REV1: variants seen among roughly 807,000 people sequenced by gnomAD.
The protein encoded by REV1 is translesion synthesis protein REV1.
A neutral mutation model predicts 137.4 loss-of-function variants in REV1; 42 were observed. The observed-to-expected ratio is 0.31, with a 90% CI of 0.24 to 0.40. The LOEUF is 0.40. Among genes scored for constraint, REV1 ranks in the 10% least tolerant of loss-of-function variants. The pLI is 1.00. For missense variants in REV1, 1,282 were observed against 1,490.1 expected, an observed-to-expected ratio of 0.86 and a Z score of 2.30; for synonymous variants, 524 against 519.2, an observed-to-expected ratio of 1.01 and a Z score of -0.12.
Position 99,412,727 on chromosome 2 carries a change from G to C in REV1, c.2172+4C>G. On this transcript the variant is annotated splice_donor_region_variant and intron_variant, in intron 13 of 22. Transcript: ENST00000258428. ...GATGGCAAAATCTGTTCAATGATCA[G>C]TACCTGAGTAAACCTTATTCCATAG... 6.2e-7 allele frequency: 1 copy of C among 1,608,472 alleles called. No homozygotes were observed. The highest frequency in any genetic ancestry group is 8.5e-7 in the Non-Finnish European group (1 of 1,174,878).
intron 18 of REV1, 119 bp from the exon 19 acceptor site, chr2:99,403,934 T>G: frequency 8.3e-7 from 1 of 1,209,114 alleles, no homozygotes. Context: ...GTACGAATTC[T>G]TAACAGTTCC....
chr2:99,453,312 T>C (rs973747708), intron 3 of REV1, among the ~76,000 whole-genome samples: 5 of 151,764 alleles, frequency 3.3e-5, no homozygotes, highest in Admixed American at 2.6e-4. Flanking sequence ...TGAGCTGAGA[T>C]TGTGCCACTG....
rs1301367825 is a variant in REV1, at chr2:99,489,996, C to T, written c.-190G>A. On this transcript the variant is annotated 5_prime_UTR_variant, in exon 1 of 23. Transcript: ENST00000258428. Reference sequence around the variant, plus strand: ...CCCCCACGCTCGCGGCAACCAACCCCGCGCGCGCTCCGCGGTGGCTCTCCG... The same window carrying T: ...CCCCCACGCTCGCGGCAACCAACCCTGCGCGCGCTCCGCGGTGGCTCTCCG... 1 of 150,020 alleles carries T rather than the reference C, an allele frequency of 6.7e-6. No individual in the cohort carries two copies. Among genetic ancestry groups the T allele is most frequent in the Admixed American group, 6.6e-5 (1 of 15,070 alleles). The allele number at this position is 150,020 out of a possible 1,614,324, so 9.3% of individuals were successfully genotyped here.
intron 4 of REV1, among the ~76,000 whole-genome samples, chr2:99,444,185 A>G (rs1240797401): frequency 1.3e-5 from 2 of 152,202 alleles, no homozygotes; most frequent in African/African-American, 4.8e-5. Flanking sequence ...GGTATTATGT[A>G]TATCAAACTC....
At chr2:99,460,473 T>C (rs776045281) in intron 3 of REV1, among the ~76,000 whole-genome samples, 17 of 152,186 alleles carry the variant, frequency 1.1e-4, no homozygotes, top group Non-Finnish European at 2.1e-4. Context: ...CCAAAATATA[T>C]ATATAGGCAT....
intron 3 of REV1, among the ~76,000 whole-genome samples, chr2:99,461,418 A>G (rs566539869): frequency 2.7e-4 from 41 of 152,332 alleles, no homozygotes; most frequent in African/African-American, 9.6e-4. Context: ...TCTAAGATGC[A>G]GATTCATTCA....
chr2:99,461,920 C>G (rs1176828315), intron 3 of REV1, among the ~76,000 whole-genome samples: 1 of 152,152 alleles, frequency 6.6e-6, no homozygotes, highest in Non-Finnish European at 1.5e-5. Context: ...CTACCCCTTC[C>G]AGATACCGGA....
intron 14 of REV1, among the ~76,000 whole-genome samples, chr2:99,409,700 T>C (rs1352304261): frequency 6.6e-6 from 1 of 151,844 alleles, no homozygotes; most frequent in African/African-American, 2.4e-5. Context: ...AAAAATTCGC[T>C]GGGCATGGTG....
chr2:99,489,165 T>TG (rs1687411653), intron 1 of REV1, among the ~76,000 whole-genome samples: 1 of 151,994 alleles, frequency 6.6e-6, no homozygotes, highest in Non-Finnish European at 1.5e-5. Context: ...GAAGGACAGT[T>TG]GGGGAACGGC....
chr2:99,420,257 TA>T (rs1423920701), intron 11 of REV1, among the ~76,000 whole-genome samples: 1 of 152,166 alleles, frequency 6.6e-6, no homozygotes, highest in Non-Finnish European at 1.5e-5. Flanking sequence ...TTTGAAATCT[TA>T]AAAATCCTGC....
intron 1 of REV1, among the ~76,000 whole-genome samples, chr2:99,483,789 GA>G (rs1163773447): frequency 2.0e-5 from 3 of 152,010 alleles, no homozygotes; most frequent in Admixed American, 1.3e-4. Context: ...GTAGCAGGGG[GA>G]AAAAATGGCC....
chr2:99,422,129 A>G (rs1050454522), intron 10 of REV1, among the ~76,000 whole-genome samples: 2 of 152,208 alleles, frequency 1.3e-5, no homozygotes, highest in Admixed American at 6.5e-5. Flanking sequence ...TCACAGTTAA[A>G]TTCCACTCAC....
chr2:99,405,624 A>G, intron 17 of REV1: 1 of 254,734 alleles, frequency 3.9e-6, no homozygotes. Context: ...GTAAGTCTGC[A>G]TGATGACCAC....
At chr2:99,481,374 A>C (rs1159418878) in intron 1 of REV1, among the ~76,000 whole-genome samples, 3 of 152,244 alleles carry the variant, frequency 2.0e-5, no homozygotes, top group Non-Finnish European at 4.4e-5. Context: ...CCAAGTTTTA[A>C]ATTATATTGT....
At position 99,406,076 on chromosome 2, in the gene REV1, G is replaced by A; in HGVS notation, c.2645C>T (p.Ser882Leu). 6.2e-7 allele frequency: 1 copy of A among 1,613,338 alleles called. No individual in the cohort carries two copies. The highest frequency in any genetic ancestry group is 1.1e-5 in the South Asian group (1 of 90,864). The change falls in exon 17 of 23, where the codon TCA becomes TTA. Residue 882 changes from serine (S) to leucine (L), a missense_variant. By Grantham distance (145) the Ser-to-Leu change is moderately radical. Around this residue, in one of 7 missense-constraint regions of REV1, gnomAD observed 372 missense variants for 482.3 expected, o/e 0.77. Coordinates refer to ENST00000258428, the MANE Select transcript of REV1 (RefSeq NM_016316.4). ...VFRAAVDLEISSASRTCTFLP... is the reference protein window; with the variant it reads ...VFRAAVDLEILSASRTCTFLP... The stretch of plus-strand genomic sequence containing the variant: ...GAAAGTGCAAGTTCTAGAAGCAGAT[G>A]ATATTTCCAGATCCACAGCAGCCCG...
chr2:99,438,695 A>G lies in REV1; in HGVS notation c.1119T>C (p.Asn373=), dbSNP rs1294350218. The change falls in exon 6 of 23, where the codon AAT becomes AAC. Residue 373 remains asparagine, a synonymous_variant. Transcript: ENST00000258428. The stretch of plus-strand genomic sequence containing the variant: ...TACCATTACTTTGTCTTTGTAGGGT[A>G]TTGACAAACTCAGTCAATTCACACT... ...MWKCELTEFV[N]TLQRQSNGIF... The G allele has an allele frequency of 1.9e-6, 3 of 1,614,114 alleles. No homozygotes were observed. In the Admixed American group the frequency reaches 5.0e-5, roughly 27 times the overall value.
At chr2:99,430,168 CAA>C (rs1479777810) in intron 8 of REV1, among the ~76,000 whole-genome samples, 1 of 151,788 alleles carries the variant, frequency 6.6e-6, no homozygotes, top group Non-Finnish European at 1.5e-5. Context: ...ATAATAAATT[CAA>C]AGTGTCCTGG....
intron 8 of REV1, 137 bp from the exon 9 acceptor site, chr2:99,430,085 T>C (rs1222868220): frequency 4.2e-6 from 2 of 475,006 alleles, no homozygotes; most frequent in East Asian, 3.5e-5. Flanking sequence ...ATTGGTATTA[T>C]CTCCTTATCT....
At chr2:99,430,098 TAAAAG>T (rs1343540548) in intron 8 of REV1, 150 bp from the exon 9 acceptor site, 2 of 463,452 alleles carry the variant, frequency 4.3e-6, no homozygotes, top group African/African-American at 2.0e-5. Flanking sequence ...CCTTATCTAA[TAAAAG>T]AAAACTCTAA....
Sources: allele counts gnomAD v4.1 joint callset (sites outside exome capture counted in the v4.1 genomes callset), GRCh38; gene constraint gnomAD v4.1.1; regional missense constraint gnomAD v4.1.1; transcripts MANE v1.5; gene names NCBI Gene and HGNC (gene_info 2026-07-23, HGNC 2026-07-21).